Variants in INTS3 observed in about 807,000 individuals in gnomAD.
The protein encoded by INTS3 is SOSS complex subunit A.
Under a neutral mutation model 146.3 loss-of-function variants are expected in INTS3, and 34 were observed. That is an observed-to-expected ratio of 0.23 (90% CI 0.18 to 0.31). The LOEUF (loss-of-function observed/expected upper bound fraction) is 0.31, where lower values mean the gene tolerates loss of function less well. Ranked by LOEUF, INTS3 falls within the 10% of genes least tolerant of loss-of-function variation. The pLI, the probability that INTS3 is intolerant of heterozygous loss-of-function variation, is 1.00. For missense variants in INTS3, 757 were observed against 1,304.2 expected, an observed-to-expected ratio of 0.58 and a Z score of 6.46; for synonymous variants, 475 against 494.9, an observed-to-expected ratio of 0.96 and a Z score of 0.53.
At chr1:153,735,939 C>T (rs182022029) in intron 1 of INTS3, among the ~76,000 whole-genome samples, 143 of 152,174 alleles carry the variant, frequency 9.4e-4, no homozygotes, top group African/African-American at 3.4e-3. Context: ...TTTCTGTTCC[C>T]CAGGCTAGTC....
intron 1 of INTS3, among the ~76,000 whole-genome samples, chr1:153,739,522 CG>C (rs1219213940): frequency 6.6e-6 from 1 of 151,088 alleles, no homozygotes; most frequent in Non-Finnish European, 1.5e-5. Context: ...TTTGTAGAGA[CG>C]GGGTTTCTCC....
At chr1:153,731,617 CTG>C (rs1671065119) in intron 1 of INTS3, among the ~76,000 whole-genome samples, 1 of 131,370 alleles carries the variant, frequency 7.6e-6, no homozygotes, top group East Asian at 2.5e-4. Flanking sequence ...GAGTCTCACT[CTG>C]TCGCCCAGGC....
intron 8 of INTS3, 134 bp from the exon 9 acceptor site, chr1:153,754,508 C>G: frequency 2.7e-6 from 2 of 732,460 alleles, no homozygotes; most frequent in Admixed American, 3.7e-5. Flanking sequence ...CTTGACCTCC[C>G]TTGGTCTTGT....
At chr1:153,741,593 T>G (rs1202970663) in intron 3 of INTS3, among the ~76,000 whole-genome samples, 2 of 152,150 alleles carry the variant, frequency 1.3e-5, no homozygotes, top group Non-Finnish European at 2.9e-5. Context: ...GTCATGAAAG[T>G]GAAAAAACAG....
chr1:153,744,730 A>G (rs116814055), intron 3 of INTS3, among the ~76,000 whole-genome samples: 1 of 152,220 alleles, frequency 6.6e-6, no homozygotes, highest in East Asian at 1.9e-4. Flanking sequence ...TTTTGAATGC[A>G]TAGGATGAAA....
At position 153,773,234 on chromosome 1, in the gene INTS3, A is replaced by G. The variant is rs1481107124; in HGVS notation, c.3093A>G (p.Arg1031=). The stretch of plus-strand genomic sequence containing the variant: ...AACCGAAGCCTACCAAGCGGAAACG[A>G]AAAGGGTCCTCTGCAGTGGGCTCTG... The part of the protein sequence containing the change: ...DTKPKPTKRK[R]KGSSAVGSDS... The change falls in exon 30 of 30, where the codon CGA becomes CGG. Residue 1031 remains arginine (R), a synonymous_variant. Coordinates refer to ENST00000318967, the MANE Select transcript of INTS3 (RefSeq NM_023015.5). The G allele has an allele frequency of 6.2e-7, 1 of 1,614,094 alleles. No individual in the cohort carries two copies. The highest frequency in any genetic ancestry group is 8.5e-7 in the Non-Finnish European group (1 of 1,180,022).
chr1:153,768,749 T>C (rs891900420), intron 21 of INTS3, 144 bp from the exon 22 acceptor site: 29 of 640,220 alleles, frequency 4.5e-5, no homozygotes, highest in Non-Finnish European at 6.7e-5. Context: ...TCATAGCTGT[T>C]GGATCTCTGT....
At chr1:153,738,317 C>G (rs1478892911) in intron 1 of INTS3, among the ~76,000 whole-genome samples, 2 of 152,120 alleles carry the variant, frequency 1.3e-5, no homozygotes, top group Non-Finnish European at 1.5e-5. Context: ...CCAGGCTGGT[C>G]TCGAGCTCCT....
rs114469574 is a variant in INTS3, at chr1:153,732,501, A to G, written c.150+3717A>G. Among the ~76,000 whole-genome samples the G allele has an allele frequency of 4.4e-3, 659 of 151,162 alleles. 8 individuals are homozygous for G. The highest frequency in any genetic ancestry group is 0.015 in the African/African-American group (623 of 41,100). ...CCTCTTGTTACCCAGGCTGTAGTGC[A>G]ATGGCGTGATCTCAGCTAACTGAAA... On this transcript the variant is annotated intron_variant, in intron 1 of 29. Transcript: ENST00000318967.
At position 153,764,241 on chromosome 1, in the gene INTS3, A is replaced by G. The variant is rs1303508473; in HGVS notation, c.1925+20A>G. 1 of 1,549,418 alleles carries G rather than the reference A, an allele frequency of 6.5e-7. No individual in the cohort carries two copies. The highest frequency in any genetic ancestry group is 8.9e-7 in the Non-Finnish European group (1 of 1,122,152). ...TGAGGAGTAAGGCTGATTTTCCCTC[A>G]CTCCAGAGCCTCAGGAGCCAGAGGG... is the stretch of plus-strand genomic sequence containing the variant. On this transcript the variant is annotated intron_variant, in intron 18 of 29. Transcript: ENST00000318967.
rs145297236 is a variant in INTS3 at position 153,747,004 on chromosome 1, C to T, written c.366C>T (p.Val122=). The T allele has an allele frequency of 1.2e-6, 2 of 1,613,880 alleles. No homozygotes were observed. Among genetic ancestry groups the T allele is most frequent in the Non-Finnish European group, 8.5e-7 (1 of 1,179,892 alleles). ...ALVSRDGMNI[V]LNKINQILME... is the part of the protein sequence containing the mutation. ...TGAGTCGTGATGGCATGAATATTGTCCTGAATAAAATCAACCAGATACTTA... is the reference window on the plus strand; with the variant it reads ...TGAGTCGTGATGGCATGAATATTGTTCTGAATAAAATCAACCAGATACTTA... Residue 122 remains valine (V), a synonymous_variant, in exon 4 of 30, where the codon GTC becomes GTT. Transcript: ENST00000318967.
At chr1:153,762,005 C>T (rs930156381) in intron 14 of INTS3, among the ~76,000 whole-genome samples, 1 of 152,274 alleles carries the variant, frequency 6.6e-6, no homozygotes, top group African/African-American at 2.4e-5. Context: ...CTCTTCCCAG[C>T]TCTAGGCCCT....
At position 153,771,848 on chromosome 1, in the gene INTS3, G is replaced by A. The variant is rs1570888422; in HGVS notation, c.2605G>A (p.Asp869Asn). 2 of 1,613,990 alleles carry A rather than the reference G, an allele frequency of 1.2e-6. No individual in the cohort carries two copies. The highest frequency in any genetic ancestry group is 1.7e-6 in the Non-Finnish European group (2 of 1,179,988). ...MVLSRPCHPD[D>N]QFTTSILRHW... ...GCTGAGCCGGCCCTGCCATCCTGAC[G>A]ACCAGTTCACCACCAGCATCCTGCG... is the stretch of plus-strand genomic sequence containing the variant. Residue 869 changes from aspartate (D) to asparagine (N), a missense_variant, in exon 26 of 30, where the codon GAC (aspartate) becomes AAC (asparagine). Asp to Asn is a conservative substitution (Grantham distance 23). Around this residue, in one of 8 missense-constraint regions of INTS3, gnomAD observed 116 missense variants for 226.5 expected, o/e 0.51. Coordinates refer to ENST00000318967, the MANE Select transcript of INTS3 (RefSeq NM_023015.5).
rs763959455 is a variant in INTS3, at chr1:153,760,918, C to T, written c.1409C>T (p.Ala470Val). The change falls in exon 13 of 30, where the codon GCA becomes GTA. Residue 470 changes from alanine to valine, a missense_variant and splice_region_variant. Ala to Val is a moderately conservative substitution (Grantham distance 64). This residue lies in a region of INTS3 where 97 missense variants were observed against 113.6 expected (regional missense o/e 0.85). Coordinates refer to ENST00000318967, the MANE Select transcript of INTS3 (RefSeq NM_023015.5). ...CACATTGTGGAGAAACGGGTCTTGGCGTAAGGAATTTGGTGGGGGAAGGAG... is the reference window on the plus strand; with the variant it reads ...CACATTGTGGAGAAACGGGTCTTGGTGTAAGGAATTTGGTGGGGGAAGGAG... Reference protein sequence around the residue: ...LNHIVEKRVLAHLAPLFDNPK... With the variant: ...LNHIVEKRVLVHLAPLFDNPK... 8 of 1,613,030 alleles carry T rather than the reference C, an allele frequency of 5.0e-6. No homozygotes were observed. Among genetic ancestry groups the T allele is most frequent in the South Asian group, 2.2e-5 (2 of 91,068 alleles).
intron 1 of INTS3, among the ~76,000 whole-genome samples, chr1:153,729,693 C>G (rs1449069768): frequency 6.6e-6 from 1 of 152,006 alleles, no homozygotes; most frequent in Non-Finnish European, 1.5e-5. Context: ...TGGTGAAACC[C>G]CGTCTCTACT....
chr1:153,773,375 C>A lies in INTS3; in HGVS notation c.*105C>A. ...GATTGCAGGGGAAACACCCTTGCTG[C>A]ATCCCCAAGCTCCCCCGGTGGAAGG... On this transcript the variant is annotated 3_prime_UTR_variant, in exon 30 of 30. Coordinates refer to ENST00000318967, the MANE Select transcript of INTS3 (RefSeq NM_023015.5). 9.4e-7 allele frequency: 1 copy of A among 1,060,338 alleles called. No homozygotes were observed. The highest frequency in any genetic ancestry group is 1.5e-6 in the Non-Finnish European group (1 of 687,048). The allele number at this position is 1,060,338 out of a possible 1,614,324, so 65.7% of individuals were successfully genotyped here. A position where few individuals can be genotyped will look rare whatever the true frequency, so the allele number is the denominator to read the frequency against.
At chr1:153,754,991 A>G (rs1672109690) in intron 9 of INTS3, among the ~76,000 whole-genome samples, 1 of 152,244 alleles carries the variant, frequency 6.6e-6, no homozygotes, top group Non-Finnish European at 1.5e-5. Context: ...CTTTTAGTTT[A>G]TCTAAAGTAG....
chr1:153,757,847 C>T lies in INTS3; in HGVS notation c.1149+84C>T. On this transcript the variant is annotated intron_variant, in intron 10 of 29. Coordinates refer to ENST00000318967, the MANE Select transcript of INTS3 (RefSeq NM_023015.5). The surrounding 1 kb of genome is among the most constrained non-coding windows in gnomAD (Gnocchi z 4.0). The stretch of plus-strand genomic sequence containing the variant: ...CCATTCTTCTTCCTGACTCCAGGGC[C>T]ACTTGACCCCTAAGGGCCCTTCTTT... The T allele has an allele frequency of 8.6e-7, 1 of 1,158,126 alleles. No homozygotes were observed. The highest frequency in any genetic ancestry group is 1.3e-6 in the Non-Finnish European group (1 of 786,198). 71.7% of individuals were successfully genotyped at this position (1,158,126 alleles called of 1,614,324 possible).
intron 25 of INTS3, 38 bp from the exon 26 acceptor site, chr1:153,771,758 C>T: frequency 1.3e-6 from 2 of 1,582,572 alleles, no homozygotes; most frequent in Non-Finnish European, 1.7e-6. Flanking sequence ...CCTGCGGCCA[C>T]TGTGCAAGCA....
Sources: gnomAD v4.1 joint callset for allele counts (sites outside exome capture counted in the v4.1 genomes callset) on GRCh38, gnomAD v4.1.1 for gene constraint, gnomAD v4.1.1 regional missense constraint, Gnocchi (gnomAD v3.1) non-coding constraint, MANE v1.5 for transcripts, NCBI Gene and HGNC (gene_info 2026-07-23, HGNC 2026-07-21) for gene names.